ADAMTSL1: variants seen among roughly 807,000 people sequenced by gnomAD.
ADAMTSL1 encodes ADAMTS-like protein 1.
ADAMTSL1 carries 126 observed loss-of-function variants against 201.8 expected under a neutral mutation model. That is an observed-to-expected ratio of 0.62 (90% CI 0.54 to 0.72). The LOEUF is 0.72. ADAMTSL1 is among the 30% of genes least tolerant of loss of function. The pLI, the probability that ADAMTSL1 is intolerant of heterozygous loss-of-function variation, is 0.00. For missense variants in ADAMTSL1, 2,679 were observed against 2,277.8 expected (o/e 1.18, Z -3.59); for synonymous variants, 1,121 against 903.4 (o/e 1.24, Z -4.32).
At chr9:18,186,705 G>C (rs776615005) in intron 2 of ADAMTSL1, among the ~76,000 whole-genome samples, 1 of 151,972 alleles carries the variant, frequency 6.6e-6, no homozygotes, top group Non-Finnish European at 1.5e-5. Context: ...TCTGTAATTT[G>C]GAATTGCATT....
At chr9:18,866,452 A>G (rs527806148) in intron 23 of ADAMTSL1, among the ~76,000 whole-genome samples, 79 of 152,350 alleles carry the variant, frequency 5.2e-4, no homozygotes, top group African/African-American at 1.9e-3. Context: ...TGAAAAACAG[A>G]TTAGTGACAG....
chr9:18,843,172 C>T (rs1313569298), intron 23 of ADAMTSL1, among the ~76,000 whole-genome samples: 1 of 150,792 alleles, frequency 6.6e-6, no homozygotes, highest in African/African-American at 2.5e-5. Flanking sequence ...GTGGCTGGTA[C>T]CGGTTGTTCC....
intron 14 of ADAMTSL1, among the ~76,000 whole-genome samples, chr9:18,718,677 G>C (rs190394506): frequency 3.3e-5 from 5 of 152,304 alleles, no homozygotes; most frequent in Admixed American, 3.3e-4. Flanking sequence ...GACTCTGGGC[G>C]AGGTTTGGCA....
At chr9:18,621,715 C>T (rs1297739417) in intron 4 of ADAMTSL1, among the ~76,000 whole-genome samples, 1 of 152,082 alleles carries the variant, frequency 6.6e-6, no homozygotes, top group South Asian at 2.1e-4. Flanking sequence ...CTACAATTGA[C>T]CAAGCACTGT....
chr9:18,532,032 C>T (rs1246720952), intron 2 of ADAMTSL1, among the ~76,000 whole-genome samples: 1 of 152,100 alleles, frequency 6.6e-6, no homozygotes, highest in Non-Finnish European at 1.5e-5. Context: ...ATATAACAAA[C>T]TTATAAATGT....
At chr9:18,409,383 C>CAAAAAAAAAAAAAAAAAAAAAAA (rs781106126) in intron 2 of ADAMTSL1, among the ~76,000 whole-genome samples, 2 of 77,230 alleles carry the variant, frequency 2.6e-5, no homozygotes, top group African/African-American at 4.4e-5. Context: ...AACTCCGTCT[C>CAAAAAAAAAAAAAAAAAAAAAAA]AAAAAAAAAA....
At chr9:17,947,304 T>TAC (rs757541556) in intron 1 of ADAMTSL1, among the ~76,000 whole-genome samples, 2,127 of 85,816 alleles carry the variant, frequency 0.025, 28 homozygotes, top group Middle Eastern at 0.055. Flanking sequence ...ATTTACCTTA[T>TAC]ACACACATAC....
chr9:18,772,624 C>T (rs1820761040), intron 17 of ADAMTSL1, among the ~76,000 whole-genome samples: 1 of 152,140 alleles, frequency 6.6e-6, no homozygotes, highest in Admixed American at 6.5e-5. Flanking sequence ...TAATAGTATC[C>T]ATCATGTAGG....
intron 2 of ADAMTSL1, among the ~76,000 whole-genome samples, chr9:18,206,330 C>A (rs1252487383): frequency 6.6e-6 from 1 of 152,104 alleles, no homozygotes; most frequent in African/African-American, 2.4e-5. Context: ...ATGTGATTGA[C>A]GTGGAGCCCA....
chr9:18,294,058 A>T (rs1306622352), intron 2 of ADAMTSL1, among the ~76,000 whole-genome samples: 1 of 152,216 alleles, frequency 6.6e-6, no homozygotes, highest in East Asian at 1.9e-4. Context: ...GCTTACGAGG[A>T]GAGTTCCTGT....
rs375454322 is a variant in ADAMTSL1, at chr9:18,675,882, T to C, written c.1111T>C (p.Tyr371His). ...TGACGGATACAAGCAGATCATGCCT[T>C]ATGACCTCTACCATCCCCTTCCTCG... ...ASDGYKQIMPYDLYHPLPRWE... is the reference protein window; with the variant it reads ...ASDGYKQIMPHDLYHPLPRWE... Residue 371 changes from tyrosine (Y) to histidine (H), a missense_variant, in exon 10 of 29, where the codon TAT (tyrosine) becomes CAT (histidine). By Grantham distance (83) the Tyr-to-His change is moderately conservative. Transcript: ENST00000380548. 9.3e-6 allele frequency: 15 copies of C among 1,613,186 alleles called. No individual in the cohort carries two copies. The highest frequency in any genetic ancestry group is 1.3e-5 in the African/African-American group (1 of 74,892).
intron 2 of ADAMTSL1, among the ~76,000 whole-genome samples, chr9:18,378,295 A>G (rs1213801501): frequency 1.3e-5 from 2 of 152,152 alleles, no homozygotes; most frequent in African/African-American, 2.4e-5. Context: ...GGCACATAGT[A>G]AACACTCAAT....
chr9:18,051,775 C>T (rs1008971881), intron 1 of ADAMTSL1, among the ~76,000 whole-genome samples: 2 of 152,172 alleles, frequency 1.3e-5, no homozygotes, highest in African/African-American at 4.8e-5. Flanking sequence ...CATTCTGACA[C>T]AGCGATGCCA....
intron 1 of ADAMTSL1, among the ~76,000 whole-genome samples, chr9:17,973,257 G>A (rs1293894633): frequency 1.3e-5 from 2 of 148,746 alleles, no homozygotes; most frequent in Admixed American, 6.8e-5. Flanking sequence ...TGTCCTGAAT[G>A]GTATTGCCTA....
At position 18,065,900 on chromosome 9, in the gene ADAMTSL1, G is replaced by C. The variant is rs1586973604; in HGVS notation, c.88-97962G>C. Among the ~76,000 whole-genome samples, 2 of 141,284 alleles carry C rather than the reference G, an allele frequency of 1.4e-5. 1 individual carries two copies. Among genetic ancestry groups the C allele is most frequent in the Middle Eastern group, 8.0e-3 (2 of 250 alleles). The allele number at this position is 141,284 out of a possible 152,430, so 92.7% of individuals were successfully genotyped here. ...GGAGGCTGAGGCAGGAGAATCACTTGAACCTGGGAGGCGGAGGTTGCAGTG... is the reference window on the plus strand; with the variant it reads ...GGAGGCTGAGGCAGGAGAATCACTTCAACCTGGGAGGCGGAGGTTGCAGTG... On this transcript the variant is annotated intron_variant, in intron 1 of 29. Coordinates refer to the ADAMTSL1 transcript ENST00000680146.
At chr9:18,325,747 T>G (rs1170848256) in intron 2 of ADAMTSL1, among the ~76,000 whole-genome samples, 1 of 151,776 alleles carries the variant, frequency 6.6e-6, no homozygotes, top group Non-Finnish European at 1.5e-5. Flanking sequence ...GACCTTTGTT[T>G]TTTTTTTTTT....
chr9:18,434,235 G>A (rs1161705187), intron 2 of ADAMTSL1, among the ~76,000 whole-genome samples: 2 of 152,026 alleles, frequency 1.3e-5, no homozygotes, highest in Non-Finnish European at 2.9e-5. Context: ...AAAAGCTTTG[G>A]GCAAGGTCCT....
chr9:18,259,616 C>T (rs187076313), intron 2 of ADAMTSL1, among the ~76,000 whole-genome samples: 2,603 of 152,190 alleles, frequency 0.017, 77 homozygotes, highest in African/African-American at 0.06. Flanking sequence ...CCTCTTTCTG[C>T]TCCCCTCTCC....
At chr9:18,244,876 A>G (rs1831200192) in intron 2 of ADAMTSL1, among the ~76,000 whole-genome samples, 1 of 152,104 alleles carries the variant, frequency 6.6e-6, no homozygotes, top group South Asian at 2.1e-4. Flanking sequence ...GGAACTACAT[A>G]TACTCTATAT....
Sources: gnomAD v4.1 joint callset for allele counts (sites outside exome capture counted in the v4.1 genomes callset) on GRCh38, gnomAD v4.1.1 for gene constraint, MANE v1.5 for transcripts, NCBI Gene and HGNC (gene_info 2026-07-23, HGNC 2026-07-21) for gene names.